COL14A1: variants seen among roughly 807,000 people sequenced by gnomAD.
COL14A1 encodes collagen type XIV alpha 1 chain, also known as collagen alpha-1(XIV) chain.
In COL14A1, 136 loss-of-function variants were observed where a neutral mutation model predicts 230.3. The ratio of observed to expected loss-of-function variants is 0.59; its 90% CI spans 0.51 to 0.68. The LOEUF (loss-of-function observed/expected upper bound fraction) is 0.68, where lower values mean the gene tolerates loss of function less well. Ranked by LOEUF, COL14A1 falls within the 30% of genes least tolerant of loss-of-function variation. COL14A1 has a pLI of 0.00. For synonymous variants in COL14A1, 792 were observed against 784.1 expected, an observed-to-expected ratio of 1.01 and a Z score of -0.17; for missense variants, 1,976 against 2,215.8, an observed-to-expected ratio of 0.89 and a Z score of 2.17.
At chr8:120,287,215 TAAAAA>T (rs539575321) in intron 33 of COL14A1, among the ~76,000 whole-genome samples, 1 of 135,916 alleles carries the variant, frequency 7.4e-6, no homozygotes, top group African/African-American at 2.7e-5. Context: ...GAACAGTTGC[TAAAAA>T]AAAAAAAACA....
In COL14A1 at chr8:120,280,048, A is replaced by C; in HGVS notation, c.3595A>C (p.Lys1199Gln). 1 of 1,613,882 alleles carries C rather than the reference A, an allele frequency of 6.2e-7. No individual in the cohort carries two copies. The highest frequency in any genetic ancestry group is 8.5e-7 in the Non-Finnish European group (1 of 1,179,826). Residue 1199 changes from lysine to glutamine, a missense_variant, in exon 29 of 48, where the codon AAG becomes CAG. Lys to Gln is a moderately conservative substitution (Grantham distance 53). This residue lies in a region of COL14A1 where 1,791 missense variants were observed against 2,019.5 expected (regional missense o/e 0.89). Coordinates refer to ENST00000297848, the MANE Select transcript of COL14A1 (RefSeq NM_021110.4). ...VFFVDDFDAF[K>Q]KIEDELITFV... ...CTTTGTGGATGACTTTGACGCCTTT[A>C]AGAAAATCGAAGATGAGTTAATTAC...
At chr8:120,149,986 G>A (rs1466907612) in intron 2 of COL14A1, among the ~76,000 whole-genome samples, 2 of 152,086 alleles carry the variant, frequency 1.3e-5, no homozygotes, top group East Asian at 3.9e-4. Context: ...GAACCATCGT[G>A]CCCAGCCACC....
Position 120,196,912 on chromosome 8 carries a change from A to G in COL14A1, c.558A>G (p.Thr186=). 6.2e-7 allele frequency: 1 copy of G among 1,614,106 alleles called. No homozygotes were observed. ...LVRHFLENLV[T]AFDVGSEKTR... is the part of the protein sequence containing the mutation. Reference sequence around the variant, plus strand: ...GGCATTTCTTGGAAAACCTGGTTACAGCATTCGATGTGGGCTCAGAGAAGA... The same window carrying G: ...GGCATTTCTTGGAAAACCTGGTTACGGCATTCGATGTGGGCTCAGAGAAGA... The change falls in exon 6 of 48, where the codon ACA becomes ACG. Residue 186 remains threonine, a synonymous_variant. Transcript: ENST00000297848.
At chr8:120,284,856 A>G (rs1664111726) in intron 32 of COL14A1, among the ~76,000 whole-genome samples, 1 of 152,156 alleles carries the variant, frequency 6.6e-6, no homozygotes, top group South Asian at 2.1e-4. Flanking sequence ...AGATAAATGA[A>G]TAATATGAAT....
intron 34 of COL14A1, among the ~76,000 whole-genome samples, 160 bp from the exon 35 acceptor site, chr8:120,297,351 A>G (rs2130003469): frequency 6.6e-6 from 1 of 152,144 alleles, no homozygotes; most frequent in Non-Finnish European, 1.5e-5. Context: ...GTGTTTGAGG[A>G]AAAAAATTAG....
At position 120,362,771 on chromosome 8, in the gene COL14A1, A is replaced by C. The variant is rs534634901; in HGVS notation, c.5078-4400A>C. On this transcript the variant is annotated intron_variant, in intron 45 of 47. Transcript: ENST00000297848. ...TGAACCCAAAACTGCTCTAAAAGAT[A>C]GTCATTAGAAAAAGAGAGAGAGAAG... Among the ~76,000 whole-genome samples, 12 of 152,312 alleles carry C rather than the reference A, an allele frequency of 7.9e-5. No individual in the cohort carries two copies. In the South Asian group the frequency reaches 2.3e-3, roughly 29 times the overall value.
At chr8:120,194,477 A>G (rs1816957735) in intron 5 of COL14A1, among the ~76,000 whole-genome samples, 1 of 152,060 alleles carries the variant, frequency 6.6e-6, no homozygotes, top group South Asian at 2.1e-4. Context: ...TCTTTTGATG[A>G]CCAACTTAAA....
At chr8:120,344,560 C>A (rs1373590304) in intron 44 of COL14A1, among the ~76,000 whole-genome samples, 1 of 152,194 alleles carries the variant, frequency 6.6e-6, no homozygotes, top group African/African-American at 2.4e-5. Flanking sequence ...GGAGCGGATC[C>A]CTACTTACAG....
intron 5 of COL14A1, among the ~76,000 whole-genome samples, chr8:120,169,669 A>G (rs1816036340): frequency 6.6e-6 from 1 of 151,866 alleles, no homozygotes; most frequent in Non-Finnish European, 1.5e-5. Context: ...CTTTTTGATA[A>G]TTTTTAATAC....
At chr8:120,348,212 TATATATGAAGC>T (rs1822593218) in intron 45 of COL14A1, among the ~76,000 whole-genome samples, 1 of 149,206 alleles carries the variant, frequency 6.7e-6, no homozygotes, top group Admixed American at 6.7e-5. Context: ...TATATATGTA[TATATATGAAGC>T]ATATATAAAG....
intron 5 of COL14A1, among the ~76,000 whole-genome samples, chr8:120,186,802 C>T (rs1204032911): frequency 1.3e-5 from 2 of 152,138 alleles, no homozygotes; most frequent in African/African-American, 4.8e-5. Flanking sequence ...TTTAGTTTAC[C>T]TACACTGATG....
At chr8:120,356,400 C>T (rs866792462) in intron 45 of COL14A1, among the ~76,000 whole-genome samples, 4 of 152,192 alleles carry the variant, frequency 2.6e-5, no homozygotes, top group East Asian at 3.9e-4. Context: ...TTGCTGGCTT[C>T]GCCACTTAAC....
chr8:120,245,252 G>T (rs543831974), intron 20 of COL14A1, among the ~76,000 whole-genome samples: 2 of 151,958 alleles, frequency 1.3e-5, no homozygotes, highest in Non-Finnish European at 2.9e-5. Flanking sequence ...ATTACTCCCT[G>T]GTATTTTCTT....
In COL14A1 at chr8:120,342,398, G is replaced by T; in HGVS notation, c.4840G>T (p.Ala1614Ser). ...CATCCAGGGTGACCTGCAGTCTCAA[G>T]CCATGGTGAGATCAGTGGCGCGTCA... Reference protein sequence around the residue: ...RGERGDLQSQAMVRSVARQVC... With the variant: ...RGERGDLQSQSMVRSVARQVC... The change falls in exon 44 of 48, where the codon GCC (alanine) becomes TCC (serine). Residue 1614 changes from alanine (A) to serine (S), a missense_variant. Transcript: ENST00000297848. The T allele has an allele frequency of 6.2e-7, 1 of 1,614,006 alleles. No individual in the cohort carries two copies. Among genetic ancestry groups the T allele is most frequent in the Non-Finnish European group, 8.5e-7 (1 of 1,179,918 alleles).
intron 40 of COL14A1, among the ~76,000 whole-genome samples, chr8:120,325,897 G>A (rs113188158): frequency 1.9e-3 from 283 of 152,266 alleles, no homozygotes; most frequent in African/African-American, 6.6e-3. Context: ...GTTTTGGGAC[G>A]TGCAAGTACT....
At chr8:120,146,095 A>G (rs1815081879) in intron 1 of COL14A1, among the ~76,000 whole-genome samples, 1 of 152,204 alleles carries the variant, frequency 6.6e-6, no homozygotes, top group South Asian at 2.1e-4. Context: ...GACTTGGGCA[A>G]CTTCTCTGTG....
chr8:120,267,018 C>G lies in COL14A1; in HGVS notation c.3073+135C>G, dbSNP rs28728283. 1,231 of 722,132 alleles carry G rather than the reference C, an allele frequency of 1.7e-3. 8 individuals are homozygous for G. The African/African-American group carries it at 0.018, about 10-fold the overall frequency. The allele number at this position is 722,132 out of a possible 1,614,324, so 44.7% of individuals were successfully genotyped here. A position where few individuals can be genotyped will look rare whatever the true frequency, so the allele number is the denominator to read the frequency against. On this transcript the variant is annotated intron_variant, in intron 25 of 47. Transcript: ENST00000297848. ...CCTAATTTTCTCCTTAATACAAATG[C>G]TTATCAACCATGATGGGCTTGAATG...
intron 19 of COL14A1, among the ~76,000 whole-genome samples, chr8:120,235,342 GT>G (rs1362946932): frequency 1.3e-5 from 2 of 151,212 alleles, no homozygotes; most frequent in South Asian, 2.1e-4. Flanking sequence ...GCTAATTTTT[GT>G]TTTTTTTAGT....
chr8:120,136,366 C>T (rs188742683), intron 1 of COL14A1, among the ~76,000 whole-genome samples: 15 of 101,536 alleles, frequency 1.5e-4, no homozygotes, highest in South Asian at 9.3e-4. Context: ...TTAGATTACA[C>T]GCACACACAC....
Sources: gnomAD v4.1 joint callset for allele counts (sites outside exome capture counted in the v4.1 genomes callset) on GRCh38, gnomAD v4.1.1 for gene constraint, gnomAD v4.1.1 regional missense constraint, MANE v1.5 for transcripts, NCBI Gene and HGNC (gene_info 2026-07-23, HGNC 2026-07-21) for gene names.